CTNND2: variants seen among roughly 807,000 people sequenced by gnomAD.
CTNND2 encodes the protein catenin delta 2.
Under a neutral mutation model 144.4 loss-of-function variants are expected in CTNND2, and 22 were observed. The ratio of observed to expected loss-of-function variants is 0.15; its 90% CI spans 0.11 to 0.22. The LOEUF (loss-of-function observed/expected upper bound fraction) is 0.22. Ranked by LOEUF, CTNND2 falls within the 10% of genes least tolerant of loss-of-function variation. The probability of loss-of-function intolerance (pLI) is 1.00; values close to 1 mark genes in which losing one functional copy is unlikely to be tolerated. For synonymous variants in CTNND2, 751 were observed against 695.6 expected (o/e 1.08, Z -1.25); for missense variants, 1,353 against 1,618.8 (o/e 0.84, Z 2.82).
intron 7 of CTNND2, among the ~76,000 whole-genome samples, chr5:11,379,061 A>C (rs960852840): frequency 3.9e-5 from 6 of 152,168 alleles, no homozygotes; most frequent in African/African-American, 1.4e-4. Context: ...ACTCAACTTC[A>C]ATGCATGTCT....
chr5:11,470,974 A>ATC (rs1767148023), intron 3 of CTNND2, among the ~76,000 whole-genome samples: 1 of 98,124 alleles, frequency 1.0e-5, no homozygotes, highest in Non-Finnish European at 2.0e-5. Flanking sequence ...ATATATATAT[A>ATC]TATATATTTT....
chr5:11,233,187 A>G (rs1456440140), intron 10 of CTNND2, among the ~76,000 whole-genome samples: 1 of 152,178 alleles, frequency 6.6e-6, no homozygotes, highest in Non-Finnish European at 1.5e-5. Flanking sequence ...AGATGGTCTT[A>G]AATCCAAGTT....
At position 11,551,463 on chromosome 5, in the gene CTNND2, G is replaced by T. The variant is rs534270833; in HGVS notation, c.287+13481C>A. Among the ~76,000 whole-genome samples, 56 of 139,278 alleles carry T rather than the reference G, an allele frequency of 4.0e-4. No homozygotes were observed. In the East Asian group the frequency reaches 0.011, roughly 27 times the overall value. The allele number at this position is 139,278 out of a possible 152,430, so 91.4% of individuals were successfully genotyped here. A position where few individuals can be genotyped will look rare whatever the true frequency, so the allele number is the denominator to read the frequency against. ...TTTTTTTTTTTTTTTTGATAAGGGG[G>T]TCTCACTCTGTTACCCAGGCTGGAG... is the stretch of plus-strand genomic sequence containing the variant. On this transcript the variant is annotated intron_variant, in intron 3 of 21. Coordinates refer to ENST00000304623, the MANE Select transcript of CTNND2 (RefSeq NM_001332.4).
chr5:11,779,043 T>G (rs1790404690), intron 1 of CTNND2, among the ~76,000 whole-genome samples: 1 of 152,202 alleles, frequency 6.6e-6, no homozygotes, highest in Admixed American at 6.5e-5. Context: ...TGCCCCATCT[T>G]TTTATGGCAT....
chr5:11,900,087 T>C (rs1215566472), intron 1 of CTNND2, among the ~76,000 whole-genome samples: 2 of 152,180 alleles, frequency 1.3e-5, no homozygotes, highest in Non-Finnish European at 2.9e-5. Context: ...ATAAAATGTT[T>C]CAATATATGT....
intron 9 of CTNND2, among the ~76,000 whole-genome samples, chr5:11,252,122 C>A (rs1743718826): frequency 6.6e-6 from 1 of 152,166 alleles, no homozygotes; most frequent in African/African-American, 2.4e-5. Context: ...TTCTTCACTG[C>A]ATCAAATTGC....
At chr5:11,480,529 T>C (rs559579175) in intron 3 of CTNND2, among the ~76,000 whole-genome samples, 15 of 152,314 alleles carry the variant, frequency 9.8e-5, no homozygotes, top group Admixed American at 3.9e-4. Context: ...TCCCAGTGTA[T>C]TCTTTTCTAA....
intron 3 of CTNND2, among the ~76,000 whole-genome samples, chr5:11,540,892 G>C (rs1300550267): frequency 6.6e-6 from 1 of 152,188 alleles, no homozygotes; most frequent in African/African-American, 2.4e-5. Flanking sequence ...ATCAACAAGT[G>C]CTTTGAACAG....
chr5:11,105,456 C>T (rs1303350404), intron 14 of CTNND2, among the ~76,000 whole-genome samples: 4 of 152,174 alleles, frequency 2.6e-5, no homozygotes, highest in Non-Finnish European at 1.5e-5. Flanking sequence ...CTGGCAAATA[C>T]CCTGCAATGC....
chr5:11,535,715 A>G (rs1774146586), intron 3 of CTNND2, among the ~76,000 whole-genome samples: 1 of 152,210 alleles, frequency 6.6e-6, no homozygotes, highest in African/African-American at 2.4e-5. Context: ...ACAGTGGGAA[A>G]ATTATACAAT....
At chr5:11,007,740 A>T (rs772124543) in intron 18 of CTNND2, among the ~76,000 whole-genome samples, 5 of 152,190 alleles carry the variant, frequency 3.3e-5, no homozygotes, top group African/African-American at 7.2e-5. Flanking sequence ...GCACTGTGGG[A>T]TCTCCCAAGA....
At chr5:11,413,582 C>G (rs1391240948) in intron 3 of CTNND2, among the ~76,000 whole-genome samples, 1 of 152,152 alleles carries the variant, frequency 6.6e-6, no homozygotes, top group Non-Finnish European at 1.5e-5. Context: ...TTACTTGTGT[C>G]AGAATCACCT....
intron 1 of CTNND2, among the ~76,000 whole-genome samples, chr5:11,753,950 A>G (rs1056006581): frequency 1.3e-5 from 2 of 150,426 alleles, no homozygotes; most frequent in Non-Finnish European, 3.0e-5. Context: ...TTTCTAGTGC[A>G]TAGAGGTGTG....
At chr5:11,749,546 G>C (rs1027270383) in intron 1 of CTNND2, among the ~76,000 whole-genome samples, 6 of 151,888 alleles carry the variant, frequency 4.0e-5, no homozygotes, top group Admixed American at 3.3e-4. Flanking sequence ...CTCCAAGAAA[G>C]GTTCAAAGTT....
At chr5:11,142,898 C>T (rs1756882091) in intron 12 of CTNND2, among the ~76,000 whole-genome samples, 1 of 152,164 alleles carries the variant, frequency 6.6e-6, no homozygotes, top group Admixed American at 6.5e-5. Context: ...AAAATTTAAA[C>T]TCTTTTATTA....
At chr5:11,345,601 A>G (rs1056966328) in intron 9 of CTNND2, among the ~76,000 whole-genome samples, 8 of 152,160 alleles carry the variant, frequency 5.3e-5, no homozygotes, top group Non-Finnish European at 7.3e-5. Context: ...CCATAAAGAA[A>G]TATCAGCAAT....
intron 1 of CTNND2, among the ~76,000 whole-genome samples, chr5:11,794,979 A>G (rs146492728): frequency 3.0e-4 from 45 of 152,344 alleles, no homozygotes; most frequent in African/African-American, 9.6e-4. Flanking sequence ...ATTTGTATTT[A>G]CCATATTTTC....
intron 2 of CTNND2, among the ~76,000 whole-genome samples, chr5:11,636,324 T>C (rs774552384): frequency 6.6e-6 from 1 of 152,188 alleles, no homozygotes; most frequent in Non-Finnish European, 1.5e-5. Context: ...TTGTCTTCTC[T>C]TTCCTCTCAT....
intron 1 of CTNND2, among the ~76,000 whole-genome samples, chr5:11,815,752 G>T (rs1016741631): frequency 9.9e-5 from 15 of 152,088 alleles, no homozygotes; most frequent in Non-Finnish European, 1.3e-4. Context: ...GCCCAAACAG[G>T]TTCACATTCT....
Sources: allele counts gnomAD v4.1 joint callset (sites outside exome capture counted in the v4.1 genomes callset), GRCh38; gene constraint gnomAD v4.1.1; transcripts MANE v1.5; gene names NCBI Gene and HGNC (gene_info 2026-07-23, HGNC 2026-07-21).